KCNIP4: variants seen among roughly 807,000 people sequenced by gnomAD.
KCNIP4 encodes potassium voltage-gated channel interacting protein 4, also known as Kv channel-interacting protein 4.
A neutral mutation model predicts 34.0 loss-of-function variants in KCNIP4; 12 were observed. The ratio of observed to expected loss-of-function variants is 0.35; its 90% CI spans 0.23 to 0.57. The LOEUF is 0.57. Ranked by LOEUF, KCNIP4 falls within the 20% of genes least tolerant of loss-of-function variation. The pLI is 0.83. For missense variants in KCNIP4, 238 were observed against 311.7 expected (o/e 0.76, Z 1.78); for synonymous variants, 124 against 102.2 (o/e 1.21, Z -1.29).
chr4:21,620,174 A>G (rs1744905724), intron 1 of KCNIP4, among the ~76,000 whole-genome samples: 1 of 152,160 alleles, frequency 6.6e-6, no homozygotes, highest in South Asian at 2.1e-4. Context: ...AGTGTTAAGG[A>G]GAGTGAAGAT....
chr4:21,262,252 A>C (rs1373876400), intron 1 of KCNIP4, among the ~76,000 whole-genome samples: 1 of 151,964 alleles, frequency 6.6e-6, no homozygotes, highest in Non-Finnish European at 1.5e-5. Context: ...ACCCCTCCAC[A>C]CCCCATAGCA....
intron 2 of KCNIP4, among the ~76,000 whole-genome samples, chr4:20,867,671 G>A (rs143851570): frequency 1.3e-5 from 2 of 152,174 alleles, no homozygotes; most frequent in East Asian, 3.9e-4. Flanking sequence ...AAATAGACAA[G>A]TGGGACCTAA....
At chr4:20,758,779 G>T in intron 4 of KCNIP4, 42 bp downstream of exon 4, 1 of 1,470,532 alleles carries the variant, frequency 6.8e-7, no homozygotes, top group Non-Finnish European at 9.5e-7. Flanking sequence ...AAGCATAATT[G>T]TAACTCTGAT....
At chr4:21,718,858 C>A (rs1447455005) in intron 1 of KCNIP4, 1 of 152,004 alleles carries the variant, frequency 6.6e-6, no homozygotes, top group Non-Finnish European at 1.5e-5. Context: ...TGCAAAGGAC[C>A]CTTCACGGAT....
intron 1 of KCNIP4, among the ~76,000 whole-genome samples, chr4:21,520,058 G>C (rs967426100): frequency 5.3e-5 from 8 of 151,848 alleles, no homozygotes; most frequent in Non-Finnish European, 8.8e-5. Context: ...GAAGGATGTA[G>C]GCTGGGAGGC....
At position 21,203,962 on chromosome 4, in the gene KCNIP4, A is replaced by G. The variant is rs1756673313; in HGVS notation, c.62-321253T>C. ...TCTCCGTCCCAGAATGGCTCCAGGT[A>G]CAGGAAAACACCTACTAGTGTTGTA... is the stretch of plus-strand genomic sequence containing the variant. On this transcript the variant is annotated intron_variant, in intron 1 of 8. Transcript: ENST00000382152. Among the ~76,000 whole-genome samples, 3 of 152,108 alleles carry G rather than the reference A, an allele frequency of 2.0e-5. No individual in the cohort carries two copies. In the South Asian group the frequency reaches 6.2e-4, roughly 32 times the overall value.
intron 1 of KCNIP4, among the ~76,000 whole-genome samples, chr4:20,922,147 T>C (rs959591046): frequency 6.6e-6 from 1 of 152,174 alleles, no homozygotes; most frequent in Non-Finnish European, 1.5e-5. Flanking sequence ...GATGGTTAAC[T>C]TTATATGTCA....
intron 1 of KCNIP4, among the ~76,000 whole-genome samples, chr4:21,809,735 TTAACTC>T (rs774685400): frequency 2.0e-4 from 31 of 152,176 alleles, no homozygotes; most frequent in Non-Finnish European, 3.8e-4. Context: ...TTTTTGTTAT[TTAACTC>T]TACACATGAA....
intron 1 of KCNIP4, among the ~76,000 whole-genome samples, chr4:20,913,047 G>A (rs368540459): frequency 8.7e-4 from 133 of 152,170 alleles, no homozygotes; most frequent in African/African-American, 3.2e-3. Context: ...GAAGAACAGT[G>A]AAAATATATG....
At chr4:21,832,381 G>A (rs1723039446) in intron 1 of KCNIP4, among the ~76,000 whole-genome samples, 1 of 152,008 alleles carries the variant, frequency 6.6e-6, no homozygotes, top group African/African-American at 2.4e-5. Context: ...GTGTATTGTG[G>A]CTCTGACATA....
intron 1 of KCNIP4, among the ~76,000 whole-genome samples, chr4:21,652,215 A>T (rs1164151247): frequency 6.6e-6 from 1 of 152,168 alleles, no homozygotes; most frequent in African/African-American, 2.4e-5. Flanking sequence ...CTTAACAGTA[A>T]ATCATCCTTG....
At chr4:21,376,544 A>G in intron 1 of KCNIP4, among the ~76,000 whole-genome samples, 1 of 152,232 alleles carries the variant, frequency 6.6e-6, no homozygotes, top group Non-Finnish European at 1.5e-5. Context: ...CTATCCTTCA[A>G]AATTCATCAC....
At chr4:20,841,756 A>G (rs1719748989) in intron 3 of KCNIP4, among the ~76,000 whole-genome samples, 1 of 151,956 alleles carries the variant, frequency 6.6e-6, no homozygotes, top group Non-Finnish European at 1.5e-5. Flanking sequence ...CTTAAAAAAA[A>G]AAAATCAATG....
At chr4:20,968,386 A>G (rs1734590044) in intron 1 of KCNIP4, among the ~76,000 whole-genome samples, 1 of 152,206 alleles carries the variant, frequency 6.6e-6, no homozygotes, top group African/African-American at 2.4e-5. Flanking sequence ...TCAAGGATCT[A>G]GAACCAGAAA....
intron 1 of KCNIP4, among the ~76,000 whole-genome samples, chr4:21,743,027 G>A (rs922368010): frequency 7.9e-5 from 12 of 151,956 alleles, no homozygotes; most frequent in African/African-American, 2.2e-4. Flanking sequence ...ATCTACATTC[G>A]GATTTACCGT....
intron 1 of KCNIP4, among the ~76,000 whole-genome samples, chr4:21,774,752 G>A (rs1719058343): frequency 6.6e-6 from 1 of 152,086 alleles, no homozygotes; most frequent in South Asian, 2.1e-4. Flanking sequence ...TCACACTTGT[G>A]TATGCTTCAT....
At chr4:20,965,973 G>T (rs1312291528) in intron 1 of KCNIP4, among the ~76,000 whole-genome samples, 1 of 152,140 alleles carries the variant, frequency 6.6e-6, no homozygotes, top group African/African-American at 2.4e-5. Context: ...TTGTCATGAA[G>T]AAATGCATTT....
At chr4:21,461,815 T>A (rs985279448) in intron 1 of KCNIP4, among the ~76,000 whole-genome samples, 1 of 151,912 alleles carries the variant, frequency 6.6e-6, no homozygotes, top group African/African-American at 2.4e-5. Flanking sequence ...GTCCCCAGAT[T>A]CCTCTCCATA....
At chr4:21,053,882 T>C (rs1743154469) in intron 1 of KCNIP4, among the ~76,000 whole-genome samples, 1 of 152,192 alleles carries the variant, frequency 6.6e-6, no homozygotes, top group African/African-American at 2.4e-5. Context: ...AGTGGAGAGC[T>C]ATCCCATGCT....
Sources: allele counts gnomAD v4.1 joint callset (sites outside exome capture counted in the v4.1 genomes callset), GRCh38; gene constraint gnomAD v4.1.1; transcripts MANE v1.5; gene names NCBI Gene and HGNC (gene_info 2026-07-23, HGNC 2026-07-21).